Variants in FSTL5 observed in about 807,000 individuals in gnomAD.
The protein encoded by FSTL5 is follistatin-related protein 5.
A neutral mutation model predicts 89.1 loss-of-function variants in FSTL5; 62 were observed. That is an observed-to-expected ratio of 0.70 (90% CI 0.57 to 0.86). FSTL5 has a LOEUF of 0.86. Ranked by LOEUF, FSTL5 falls within the 40% of genes least tolerant of loss-of-function variation. FSTL5 has a pLI of 0.00. For synonymous variants in FSTL5, 383 were observed against 346.2 expected (o/e 1.11, Z -1.18); for missense variants, 1,057 against 1,001.6 (o/e 1.06, Z -0.75).
At chr4:161,615,618 A>T (rs1311743539) in intron 7 of FSTL5, among the ~76,000 whole-genome samples, 1 of 152,090 alleles carries the variant, frequency 6.6e-6, no homozygotes, top group Non-Finnish European at 1.5e-5. Flanking sequence ...TGAAAAAATT[A>T]TAACTTTTTT....
intron 7 of FSTL5, among the ~76,000 whole-genome samples, chr4:161,623,865 T>A (rs1735223387): frequency 1.3e-5 from 2 of 152,040 alleles, no homozygotes; most frequent in Admixed American, 1.3e-4. Context: ...TTTAACATAC[T>A]TGAAATATTT....
At chr4:161,850,572 G>C (rs191502356) in intron 4 of FSTL5, among the ~76,000 whole-genome samples, 7,112 of 152,200 alleles carry the variant, frequency 0.047, 209 homozygotes, top group Non-Finnish European at 0.07. Flanking sequence ...TTCTGGCCCA[G>C]ACACATTTGC....
At chr4:162,049,848 G>A (rs1366301864) in intron 2 of FSTL5, among the ~76,000 whole-genome samples, 1 of 151,932 alleles carries the variant, frequency 6.6e-6, no homozygotes, top group Non-Finnish European at 1.5e-5. Flanking sequence ...TTAGCAAAAT[G>A]AAATAAGAAC....
intron 4 of FSTL5, among the ~76,000 whole-genome samples, chr4:161,906,379 G>A (rs756006957): frequency 1.3e-5 from 2 of 152,112 alleles, no homozygotes; most frequent in Non-Finnish European, 2.9e-5. Flanking sequence ...ATAGCTAGAG[G>A]CTCGCTAAAA....
intron 3 of FSTL5, among the ~76,000 whole-genome samples, chr4:162,007,117 T>A (rs1020641451): frequency 4.0e-5 from 6 of 151,860 alleles, no homozygotes; most frequent in African/African-American, 1.4e-4. Flanking sequence ...GTTGATAAAA[T>A]ATAAGTTGTT....
intron 3 of FSTL5, among the ~76,000 whole-genome samples, chr4:161,969,513 GA>G (rs924427893): frequency 2.0e-5 from 3 of 151,432 alleles, no homozygotes; most frequent in East Asian, 1.9e-4. Context: ...TTTGGTTTTG[GA>G]AAAAAAATCA....
rs796552249 is a variant in FSTL5 at position 161,765,799 on chromosome 4, AT to A, written c.607-6269del. On this transcript the variant is annotated intron_variant, in intron 5 of 15. Coordinates refer to ENST00000306100, the MANE Select transcript of FSTL5 (RefSeq NM_020116.5). ...AGGGAAGTATTTTATTCTAATATGC[AT>A]TTTTTTTTTTTTTGAGACAGAGTCT... Among the ~76,000 whole-genome samples, 538 of 143,656 alleles carry A rather than the reference AT, an allele frequency of 3.7e-3. 1 individual carries two copies. Among genetic ancestry groups the A allele is most frequent in the African/African-American group, 8.1e-3 (317 of 39,302 alleles). 94.2% of individuals were successfully genotyped at this position (143,656 alleles called of 152,430 possible).
intron 3 of FSTL5, among the ~76,000 whole-genome samples, chr4:161,935,590 C>T (rs922967762): frequency 1.3e-5 from 2 of 151,996 alleles, no homozygotes; most frequent in Non-Finnish European, 2.9e-5. Flanking sequence ...GACATCTTGG[C>T]AGGACTGTTC....
intron 13 of FSTL5, among the ~76,000 whole-genome samples, chr4:161,463,611 C>A (rs1449622094): frequency 6.6e-6 from 1 of 152,104 alleles, no homozygotes; most frequent in African/African-American, 2.4e-5. Flanking sequence ...TTACAAAATA[C>A]CTGCTCGTAT....
chr4:162,119,322 C>T (rs1731769517), intron 1 of FSTL5, among the ~76,000 whole-genome samples: 3 of 151,916 alleles, frequency 2.0e-5, no homozygotes, highest in South Asian at 4.1e-4. Context: ...ATTATTCATA[C>T]TGAATACTTC....
At chr4:161,545,197 C>T (rs905100342) in intron 8 of FSTL5, among the ~76,000 whole-genome samples, 1 of 152,004 alleles carries the variant, frequency 6.6e-6, no homozygotes, top group Non-Finnish European at 1.5e-5. Context: ...AGAATCAGTA[C>T]AGAAGAAACT....
chr4:161,710,309 A>C (rs1339889592), intron 6 of FSTL5, among the ~76,000 whole-genome samples: 1 of 152,142 alleles, frequency 6.6e-6, no homozygotes, highest in Admixed American at 6.6e-5. Context: ...ACTTTTTAGA[A>C]TATTACAAGT....
intron 8 of FSTL5, among the ~76,000 whole-genome samples, chr4:161,564,811 T>A (rs1234670953): frequency 1.3e-5 from 2 of 151,754 alleles, no homozygotes; most frequent in Non-Finnish European, 2.9e-5. Context: ...CACTAGGTGT[T>A]CTGCTTGCAT....
intron 7 of FSTL5, among the ~76,000 whole-genome samples, chr4:161,654,404 C>T (rs1337548583): frequency 6.6e-6 from 1 of 151,980 alleles, no homozygotes; most frequent in East Asian, 1.9e-4. Flanking sequence ...AATGACAACC[C>T]ATAATGCAAA....
At chr4:161,439,430 G>A (rs1244105104) in intron 15 of FSTL5, among the ~76,000 whole-genome samples, 4 of 152,232 alleles carry the variant, frequency 2.6e-5, no homozygotes, top group Admixed American at 1.3e-4. Context: ...TCTCAGCTCC[G>A]CAATTCAATA....
At chr4:162,000,560 G>A (rs1047293163) in intron 3 of FSTL5, among the ~76,000 whole-genome samples, 9 of 150,092 alleles carry the variant, frequency 6.0e-5, no homozygotes, top group African/African-American at 1.7e-4. Flanking sequence ...ATCGCCCCAC[G>A]ATACTCCAGC....
chr4:161,783,741 TTTCTTTCTTTCTTTCTTTCC>T (rs1741778875), intron 4 of FSTL5, among the ~76,000 whole-genome samples: 1 of 103,536 alleles, frequency 9.7e-6, no homozygotes, highest in Non-Finnish European at 2.0e-5. Context: ...CTTTTCTTTC[TTTCTTTCTTTCTTTCTTTCC>T]TTCTTTCTCT....
At chr4:161,503,602 T>C (rs969831612) in intron 11 of FSTL5, among the ~76,000 whole-genome samples, 2 of 151,986 alleles carry the variant, frequency 1.3e-5, no homozygotes, top group African/African-American at 2.4e-5. Flanking sequence ...AATTAGTGTG[T>C]GAAGTTAATA....
chr4:161,500,752 A>AT (rs1356564052), intron 11 of FSTL5, among the ~76,000 whole-genome samples: 1 of 152,196 alleles, frequency 6.6e-6, no homozygotes, highest in Non-Finnish European at 1.5e-5. Context: ...TCTTAATTTA[A>AT]TGTTTAAATC....
Sources: gnomAD v4.1 joint callset for allele counts (sites outside exome capture counted in the v4.1 genomes callset) on GRCh38, gnomAD v4.1.1 for gene constraint, MANE v1.5 for transcripts, NCBI Gene and HGNC (gene_info 2026-07-23, HGNC 2026-07-21) for gene names.